PLA2G5: variants seen among roughly 807,000 people sequenced by gnomAD.
PLA2G5 encodes the protein phospholipase A2 group V.
PLA2G5 carries 12 observed loss-of-function variants against 15.9 expected under a neutral mutation model. The observed-to-expected ratio is 0.76, with a 90% confidence interval of 0.48 to 1.23. PLA2G5 has a LOEUF of 1.23. Ranked by LOEUF, PLA2G5 falls within the 50% of genes most tolerant of loss-of-function variation. PLA2G5 has a pLI of 0.00. For missense variants in PLA2G5, 169 were observed against 177.1 expected (o/e 0.95, Z 0.26); for synonymous variants, 71 against 71.4 (o/e 0.99, Z 0.03).
intron 1 of PLA2G5, among the ~76,000 whole-genome samples, chr1:20,071,585 G>A (rs565256467): frequency 2.0e-4 from 30 of 152,170 alleles, no homozygotes; most frequent in Non-Finnish European, 3.8e-4. Context: ...AGGGCAGGGG[G>A]TTGATCCAGT....
At chr1:20,077,960 C>T (rs991713432) in intron 1 of PLA2G5, among the ~76,000 whole-genome samples, 3 of 152,186 alleles carry the variant, frequency 2.0e-5, no homozygotes, top group African/African-American at 7.2e-5. Context: ...AATCCCTGAA[C>T]TCGAATGAGC....
chr1:20,061,024 A>G (rs1018657635), intron 2 of PLA2G5, among the ~76,000 whole-genome samples: 1 of 152,174 alleles, frequency 6.6e-6, no homozygotes, highest in African/African-American at 2.4e-5. Context: ...GCCTAGAGCA[A>G]GTCTTTTGTT....
intron 1 of PLA2G5, among the ~76,000 whole-genome samples, chr1:20,053,767 G>C (rs973112757): frequency 1.3e-5 from 2 of 152,072 alleles, no homozygotes; most frequent in African/African-American, 4.8e-5. Context: ...CAGTACCTCT[G>C]TTACCATTAA....
At chr1:20,080,440 G>A (rs1438629194) in intron 1 of PLA2G5, among the ~76,000 whole-genome samples, 1 of 152,094 alleles carries the variant, frequency 6.6e-6, no homozygotes, top group Admixed American at 6.5e-5. Flanking sequence ...AAATTAGCCA[G>A]GCGTAGTGGC....
At chr1:20,085,691 C>T (rs1490586389) in intron 2 of PLA2G5, among the ~76,000 whole-genome samples, 3 of 152,172 alleles carry the variant, frequency 2.0e-5, no homozygotes, top group Admixed American at 6.5e-5. Flanking sequence ...CCTTATATGT[C>T]ATGGTCACTT....
chr1:20,044,390 A>T (rs2013785674), intron 1 of PLA2G5, among the ~76,000 whole-genome samples: 1 of 151,680 alleles, frequency 6.6e-6, no homozygotes, highest in African/African-American at 2.4e-5. Flanking sequence ...TGAGGTCTGG[A>T]TTCTAATTTT....
chr1:20,054,781 T>C (rs1164234601), intron 1 of PLA2G5: 1 of 152,174 alleles, frequency 6.6e-6, no homozygotes, highest in Admixed American at 6.5e-5. Context: ...TGTATTTTCA[T>C]AATATTGCAG....
intron 1 of PLA2G5, among the ~76,000 whole-genome samples, chr1:20,080,139 T>C (rs1406288208): frequency 6.6e-6 from 1 of 152,094 alleles, no homozygotes; most frequent in East Asian, 1.9e-4. Context: ...GCTGGGGGAC[T>C]TGGCAAAGAC....
chr1:20,038,474 T>A (rs2013401618), intron 1 of PLA2G5, among the ~76,000 whole-genome samples: 1 of 152,134 alleles, frequency 6.6e-6, no homozygotes, highest in Non-Finnish European at 1.5e-5. Flanking sequence ...TTCTTCTACT[T>A]TATATTTTGC....
intron 1 of PLA2G5, among the ~76,000 whole-genome samples, chr1:20,079,423 G>A (rs1192439084): frequency 6.6e-6 from 1 of 152,206 alleles, no homozygotes. Context: ...AGGACTTGGA[G>A]CTGATATAGA....
At chr1:20,082,405 G>A (rs1296437397) in intron 1 of PLA2G5, among the ~76,000 whole-genome samples, 2 of 151,604 alleles carry the variant, frequency 1.3e-5, no homozygotes, top group African/African-American at 2.4e-5. Flanking sequence ...CTTACCAGCC[G>A]AACGTCCCTA....
intron 1 of PLA2G5, among the ~76,000 whole-genome samples, chr1:20,029,647 G>T (rs566622188): frequency 6.6e-6 from 1 of 152,044 alleles, no homozygotes; most frequent in Non-Finnish European, 1.5e-5. Flanking sequence ...TACCCAGCAC[G>T]TCCCTTCTCC....
chr1:20,070,862 A>T (rs949755414), intron 1 of PLA2G5: 1 of 152,202 alleles, frequency 6.6e-6, no homozygotes, highest in African/African-American at 2.4e-5. Context: ...ATTCGCCGAC[A>T]TCTATTTAAC....
intron 3 of PLA2G5, among the ~76,000 whole-genome samples, chr1:20,087,218 C>T (rs779186830): frequency 2.6e-5 from 4 of 152,192 alleles, no homozygotes; most frequent in African/African-American, 7.2e-5. Context: ...GGTGTTTCCT[C>T]TGTAAGATCT....
At chr1:20,085,941 C>A in intron 2 of PLA2G5, 142 bp from the exon 3 acceptor site, 1 of 742,576 alleles carries the variant, frequency 1.3e-6, no homozygotes, top group Non-Finnish European at 2.2e-6. Flanking sequence ...CACCTCCCTT[C>A]CCACTAATGG....
At chr1:20,030,961 GTC>G (rs1480007986) in intron 1 of PLA2G5, among the ~76,000 whole-genome samples, 1 of 152,178 alleles carries the variant, frequency 6.6e-6, no homozygotes, top group Non-Finnish European at 1.5e-5. Context: ...AGTTTCTTAT[GTC>G]TTCTTTCTAC....
At chr1:20,069,667 GAAAGAAAGAAAGAAAGAA>G (rs1428080383), upstream of PLA2G5, among the ~76,000 whole-genome samples, 6 of 7,764 alleles carry the variant, frequency 7.7e-4, no homozygotes, top group African/African-American at 4.5e-3. Context: ...GCTCAGAAAA[GAAAGAAAGAAAGAAAGAA>G]AGAAAGAAAG....
Position 20,091,089 on chromosome 1 carries a change from T to C in PLA2G5, c.*397T>C, listed in dbSNP as rs2016545255. Reference sequence around the variant, plus strand: ...ATCACCACCACCCTCCAGAGAATTTTTACGCAAGAAGAGCCAAATTGACTC... The same window carrying C: ...ATCACCACCACCCTCCAGAGAATTTCTACGCAAGAAGAGCCAAATTGACTC... On this transcript the variant is annotated 3_prime_UTR_variant, in exon 5 of 5. Transcript: ENST00000375108. The C allele has an allele frequency of 6.0e-6, 1 of 166,340 alleles. No homozygotes were observed. Among genetic ancestry groups the C allele is most frequent in the Admixed American group, 6.0e-5 (1 of 16,706 alleles). 10.3% of individuals were successfully genotyped at this position (166,340 alleles called of 1,614,324 possible).
chr1:20,076,519 G>A (rs2100567304), intron 1 of PLA2G5, among the ~76,000 whole-genome samples: 1 of 152,304 alleles, frequency 6.6e-6, no homozygotes, highest in East Asian at 1.9e-4. Flanking sequence ...GATGGGTCAG[G>A]TGTACGATTC....
Sources: gnomAD v4.1 joint callset for allele counts (sites outside exome capture counted in the v4.1 genomes callset) on GRCh38, gnomAD v4.1.1 for gene constraint, MANE v1.5 for transcripts, NCBI Gene and HGNC (gene_info 2026-07-23, HGNC 2026-07-21) for gene names.